Variants in COL19A1 observed in about 807,000 individuals in gnomAD.
The protein encoded by COL19A1 is collagen type XIX alpha 1 chain, also known as collagen alpha-1(XIX) chain.
COL19A1 carries 159 observed loss-of-function variants against 190.2 expected under a neutral mutation model. The observed-to-expected ratio is 0.84, with a 90% confidence interval of 0.73 to 0.95. The LOEUF is 0.95. COL19A1 is among the 40% of genes least tolerant of loss of function. The pLI, the probability that COL19A1 is intolerant of heterozygous loss-of-function variation, is 0.00. For missense variants in COL19A1, 1,418 were observed against 1,431.9 expected, an observed-to-expected ratio of 0.99 and a Z score of 0.16; for synonymous variants, 509 against 458.9, an observed-to-expected ratio of 1.11 and a Z score of -1.39.
At chr6:69,952,335 G>A (rs748182781) in intron 9 of COL19A1, among the ~76,000 whole-genome samples, 9 of 151,684 alleles carry the variant, frequency 5.9e-5, no homozygotes, top group Non-Finnish European at 8.8e-5. Context: ...GCATGCCCAC[G>A]TCCAGGCAGC....
At chr6:69,987,630 C>T (rs984012911) in intron 11 of COL19A1, among the ~76,000 whole-genome samples, 4 of 152,172 alleles carry the variant, frequency 2.6e-5, no homozygotes, top group Admixed American at 6.5e-5. Flanking sequence ...TAAGCACCAC[C>T]GTTTGTATCA....
chr6:69,948,149 T>G (rs577404097), intron 9 of COL19A1, among the ~76,000 whole-genome samples: 2 of 151,990 alleles, frequency 1.3e-5, no homozygotes, highest in South Asian at 4.1e-4. Flanking sequence ...ATAATCTGAT[T>G]GTTTAGATTT....
chr6:70,031,499 C>T (rs542819276), intron 12 of COL19A1, among the ~76,000 whole-genome samples: 7 of 152,162 alleles, frequency 4.6e-5, no homozygotes, highest in African/African-American at 1.7e-4. Context: ...TCTATTTTTA[C>T]ACTTTCTACC....
At chr6:70,110,335 T>G (rs1385052820) in intron 16 of COL19A1, among the ~76,000 whole-genome samples, 1 of 152,122 alleles carries the variant, frequency 6.6e-6, no homozygotes, top group African/African-American at 2.4e-5. Context: ...AACCACAATC[T>G]CTTCTGTTAA....
At chr6:70,028,750 A>G (rs933580238) in intron 12 of COL19A1, among the ~76,000 whole-genome samples, 4 of 152,176 alleles carry the variant, frequency 2.6e-5, no homozygotes, top group Non-Finnish European at 5.9e-5. Context: ...CTTTGGGGTT[A>G]TCACTCTCTG....
intron 11 of COL19A1, among the ~76,000 whole-genome samples, chr6:70,018,098 G>C (rs774952524): frequency 1.3e-5 from 2 of 152,114 alleles, no homozygotes; most frequent in Non-Finnish European, 2.9e-5. Context: ...GGGAGAAAAG[G>C]CTGAAGATTC....
At chr6:70,036,251 G>A (rs571565834) in intron 14 of COL19A1, among the ~76,000 whole-genome samples, 2 of 152,258 alleles carry the variant, frequency 1.3e-5, no homozygotes, top group East Asian at 3.9e-4. Context: ...TTAACATCAG[G>A]TTTAATGTAA....
chr6:69,921,584 G>A (rs540465033), intron 4 of COL19A1, among the ~76,000 whole-genome samples: 5 of 120,284 alleles, frequency 4.2e-5, no homozygotes, highest in Admixed American at 8.9e-5. Context: ...ATATATATTC[G>A]CACATAGATT....
chr6:70,056,659 A>T (rs951277771), intron 14 of COL19A1, among the ~76,000 whole-genome samples: 1 of 152,162 alleles, frequency 6.6e-6, no homozygotes, highest in Non-Finnish European at 1.5e-5. Context: ...GAACTCAACA[A>T]TCCTTATACT....
chr6:70,073,444 C>T (rs188129289), intron 15 of COL19A1, among the ~76,000 whole-genome samples: 25 of 152,182 alleles, frequency 1.6e-4, no homozygotes, highest in African/African-American at 4.8e-4. Context: ...AATGCCATGT[C>T]GGTGTTAGCC....
chr6:69,874,675 C>T (rs1313727929), intron 1 of COL19A1, among the ~76,000 whole-genome samples: 3 of 151,950 alleles, frequency 2.0e-5, no homozygotes, highest in Admixed American at 6.6e-5. Flanking sequence ...GGTGTGAACC[C>T]AGGAGGCGGA....
intron 11 of COL19A1, among the ~76,000 whole-genome samples, chr6:69,980,895 G>GT (rs2150064888): frequency 6.6e-6 from 1 of 152,314 alleles, no homozygotes; most frequent in Admixed American, 6.5e-5. Context: ...ATTGCTGGTG[G>GT]TAAGTGTAGA....
chr6:70,062,108 T>C (rs1780872543), intron 14 of COL19A1, among the ~76,000 whole-genome samples: 1 of 151,988 alleles, frequency 6.6e-6, no homozygotes, highest in South Asian at 2.1e-4. Flanking sequence ...TAACATTAAA[T>C]TGCTCCCAAA....
At chr6:69,915,982 G>A (rs150780744) in intron 4 of COL19A1, among the ~76,000 whole-genome samples, 2,167 of 143,798 alleles carry the variant, frequency 0.015, 26 homozygotes, top group Middle Eastern at 0.041. Context: ...TGTCGCCCAG[G>A]CTGGAGTGCA....
At chr6:69,869,119 C>T (rs1025325333) in intron 1 of COL19A1, among the ~76,000 whole-genome samples, 6 of 151,674 alleles carry the variant, frequency 4.0e-5, no homozygotes, top group African/African-American at 7.3e-5. Context: ...CTTAAACAGG[C>T]AGAGAATAAC....
intron 14 of COL19A1, among the ~76,000 whole-genome samples, chr6:70,055,820 A>T (rs2150136672): frequency 6.7e-6 from 1 of 149,826 alleles, no homozygotes; most frequent in African/African-American, 2.5e-5. Flanking sequence ...CATTTTAATG[A>T]CTGTAAATAT....
chr6:70,140,921 C>T (rs1446558875), intron 19 of COL19A1, 33 bp from the exon 20 acceptor site: 4 of 1,604,972 alleles, frequency 2.5e-6, no homozygotes, highest in South Asian at 1.1e-5. Context: ...TTTCTAAGAG[C>T]GTTTAATTCT....
chr6:70,206,150 T>C (rs1230006683), intron 49 of COL19A1, among the ~76,000 whole-genome samples: 2 of 152,242 alleles, frequency 1.3e-5, no homozygotes, highest in Non-Finnish European at 2.9e-5. Flanking sequence ...AAGATCCGTA[T>C]TCCTATTATA....
intron 4 of COL19A1, among the ~76,000 whole-genome samples, chr6:69,902,826 C>G (rs901396634): frequency 1.3e-5 from 2 of 152,178 alleles, no homozygotes; most frequent in Non-Finnish European, 2.9e-5. Context: ...TGCACTCTCA[C>G]GCCAGGGGGC....
Sources: allele counts gnomAD v4.1 joint callset (sites outside exome capture counted in the v4.1 genomes callset), GRCh38; gene constraint gnomAD v4.1.1; transcripts MANE v1.5; gene names NCBI Gene and HGNC (gene_info 2026-07-23, HGNC 2026-07-21).